Variants in GIMAP1 observed in about 807,000 individuals in gnomAD.
The protein encoded by GIMAP1 is GTPase, IMAP family member 1.
For missense variants in GIMAP1, 423 were observed against 411.9 expected (o/e 1.03, Z -0.23); for synonymous variants, 230 against 187.7 (o/e 1.23, Z -1.84).
Position 150,724,127 on chromosome 7 carries a change from G to A in GIMAP1, c.*3202G>A, listed in dbSNP as rs1315631245. On this transcript the variant is annotated 3_prime_UTR_variant, in exon 3 of 3. Transcript: ENST00000307194. ...TTCAGTACCCCAGAAGAGAATTTCT[G>A]TAAATTCTTGGGGAAGCTATAGCTA... The A allele has an allele frequency of 6.6e-6, 1 of 152,058 alleles. No homozygotes were observed. The highest frequency in any genetic ancestry group is 2.4e-5 in the African/African-American group (1 of 41,380). 9.4% of individuals were successfully genotyped at this position (152,058 alleles called of 1,614,324 possible).
chr7:150,717,631 C>A (rs1465338004), intron 1 of GIMAP1, among the ~76,000 whole-genome samples: 2 of 152,084 alleles, frequency 1.3e-5, no homozygotes, highest in Non-Finnish European at 2.9e-5. Flanking sequence ...AAAGGCCTAT[C>A]CAGAATTCTG....
Position 150,720,880 on chromosome 7 carries a change from C to CT in GIMAP1, c.876_877insT (p.His293SerfsTer14). On this transcript the variant is annotated frameshift_variant, in exon 3 of 3. Coordinates refer to ENST00000307194, the MANE Select transcript of GIMAP1 (RefSeq NM_130759.4). LOFTEE classifies it low-confidence loss of function (END_TRUNC). The surrounding 1 kb of genome is among the most constrained non-coding windows in gnomAD (Gnocchi z 4.5). ...GCGCGCTCCTGTTCTGGGTGCTGCTCCACAGGCGGTGGTCGGAGGCCGTTG... is the reference window on the plus strand; with the variant it reads ...GCGCGCTCCTGTTCTGGGTGCTGCTCTCACAGGCGGTGGTCGGAGGCCGTTG... 1 of 1,599,180 alleles carries CT rather than the reference C, an allele frequency of 6.3e-7. No individual in the cohort carries two copies. Among genetic ancestry groups the CT allele is most frequent in the Non-Finnish European group, 8.5e-7 (1 of 1,176,684 alleles).
rs1797335338 is a variant in GIMAP1, at chr7:150,723,388, A to G, written c.*2463A>G. 1 of 152,320 alleles carries G rather than the reference A, an allele frequency of 6.6e-6. No homozygotes were observed. The highest frequency in any genetic ancestry group is 2.1e-4 in the South Asian group (1 of 4,828). The allele number at this position is 152,320 out of a possible 1,614,324, so 9.4% of individuals were successfully genotyped here. A position where few individuals can be genotyped will look rare whatever the true frequency, so the allele number is the denominator to read the frequency against. The stretch of plus-strand genomic sequence containing the variant: ...ATTTTCTAAATTTTCTACCATAGAT[A>G]ACAGAAAATTCTTTCGCGCAAGCAT... On this transcript the variant is annotated 3_prime_UTR_variant, in exon 3 of 3. Transcript: ENST00000307194.
intron 2 of GIMAP1, chr7:150,719,420 A>G (rs1323049023): frequency 3.5e-6 from 1 of 285,882 alleles, no homozygotes; most frequent in Non-Finnish European, 6.5e-6. Flanking sequence ...GAACAAGGAT[A>G]GAGGGTTAAA....
rs58278300 is a variant in GIMAP1, at chr7:150,721,887, T to TCACACACACACACACACA, written c.*977_*994dup. On this transcript the variant is annotated 3_prime_UTR_variant, in exon 3 of 3. Transcript: ENST00000307194. ...TTCTATATGGTTATTCATATTTTTATCACACACACACACACACACACACAC... is the reference window on the plus strand; with the variant it reads ...TTCTATATGGTTATTCATATTTTTATCACACACACACACACACACACACACACACACACACACACACAC... 2.8e-4 allele frequency: 41 copies of TCACACACACACACACACA among 147,202 alleles called. No homozygotes were observed. Among genetic ancestry groups the TCACACACACACACACACA allele is most frequent in the African/African-American group, 9.2e-4 (37 of 40,224 alleles). 9.1% of individuals were successfully genotyped at this position (147,202 alleles called of 1,614,324 possible). A position where few individuals can be genotyped will look rare whatever the true frequency, so the allele number is the denominator to read the frequency against.
At position 150,717,440 on chromosome 7, in the gene GIMAP1, G is replaced by A. The variant is rs549417581; in HGVS notation, c.-7+750G>A. 9.2e-5 allele frequency among the ~76,000 whole-genome samples: 14 copies of A among 152,294 alleles called. No homozygotes were observed. The South Asian group carries it at 2.9e-3, about 32-fold the overall frequency. ...CTGAGAAGCAGCACATTTGAGCGGT[G>A]AAGAACTCAATAAACTTTGCGGTCT... On this transcript the variant is annotated intron_variant, in intron 1 of 2. Transcript: ENST00000307194.
Position 150,720,184 on chromosome 7 carries a change from G to A in GIMAP1, c.180G>A (p.Thr60=), listed in dbSNP as rs1797275740. ...GGTTCTTCTCCAGGCTGGGGGCCAC[G>A]TCTGTGACCAGGGCCTGCACCACGG... The part of the protein sequence containing the change: ...QRRFFSRLGA[T]SVTRACTTGS... Residue 60 remains threonine (T), a synonymous_variant, in exon 3 of 3, where the codon ACG becomes ACA. Coordinates refer to ENST00000307194, the MANE Select transcript of GIMAP1 (RefSeq NM_130759.4). The surrounding 1 kb of genome is among the most constrained non-coding windows in gnomAD (Gnocchi z 4.5). The A allele has an allele frequency of 1.2e-6, 2 of 1,614,152 alleles. No individual in the cohort carries two copies. The highest frequency in any genetic ancestry group is 1.7e-6 in the Non-Finnish European group (2 of 1,180,038).
In GIMAP1 at chr7:150,720,277, G is replaced by A. The variant is rs757538972; in HGVS notation, c.273G>A (p.Val91=). The change falls in exon 3 of 3, where the codon GTG becomes GTA. Residue 91 remains valine (V), a synonymous_variant. Coordinates refer to ENST00000307194, the MANE Select transcript of GIMAP1 (RefSeq NM_130759.4). The surrounding 1 kb of genome is among the most constrained non-coding windows in gnomAD (Gnocchi z 4.5). The stretch of plus-strand genomic sequence containing the variant: ...CTCCGGACATTTTCAGCTCCCAAGT[G>A]TCCAAGACAGATCCTGGCTGTGAGG... The part of the protein sequence containing the change: ...VDTPDIFSSQ[V]SKTDPGCEER... 1 of 1,614,214 alleles carries A rather than the reference G, an allele frequency of 6.2e-7. No homozygotes were observed. Among genetic ancestry groups the A allele is most frequent in the Admixed American group, 1.7e-5 (1 of 60,038 alleles).
rs774558095 is a variant in GIMAP1, at chr7:150,720,858, C to T, written c.854C>T (p.Ala285Val). Residue 285 changes from alanine to valine, a missense_variant, in exon 3 of 3, where the codon GCG becomes GTG. Transcript: ENST00000307194. This position sits in a 1 kb window ranked among gnomAD's most constrained non-coding sequence, Gnocchi z 4.5. ...GGCCTGGCCCTGCTGCTGGGGGGCG[C>T]GCTCCTGTTCTGGGTGCTGCTCCAC... ...RLGLALLLGG[A>V]LLFWVLLHRR... 17 of 1,605,138 alleles carry T rather than the reference C, an allele frequency of 1.1e-5. No individual in the cohort carries two copies. Among genetic ancestry groups the T allele is most frequent in the African/African-American group, 1.3e-5 (1 of 74,964 alleles).
chr7:150,721,667 C>T lies in GIMAP1; in HGVS notation c.*742C>T, dbSNP rs1797305216. On this transcript the variant is annotated 3_prime_UTR_variant, in exon 3 of 3. Transcript: ENST00000307194. ...CTCTACTAAAAATACAAAAATTAGC[C>T]AGGCGTGATAGCACTCGCCTGTAAT... 1 of 151,874 alleles carries T rather than the reference C, an allele frequency of 6.6e-6. No homozygotes were observed. The highest frequency in any genetic ancestry group is 2.4e-5 in the African/African-American group (1 of 41,348). The allele number at this position is 151,874 out of a possible 1,614,324, so 9.4% of individuals were successfully genotyped here. A position where few individuals can be genotyped will look rare whatever the true frequency, so the allele number is the denominator to read the frequency against.
At chr7:150,719,695 C>T in intron 2 of GIMAP1, among the ~76,000 whole-genome samples, 1 of 152,160 alleles carries the variant, frequency 6.6e-6, no homozygotes, top group East Asian at 1.9e-4. Flanking sequence ...TCTTCACTAC[C>T]AGGCAGTATT....
At position 150,720,520 on chromosome 7, in the gene GIMAP1, G is replaced by A. The variant is rs900568967; in HGVS notation, c.516G>A (p.Arg172=). Residue 172 remains arginine (R), a synonymous_variant, in exon 3 of 3, where the codon CGG becomes CGA. Coordinates refer to ENST00000307194, the MANE Select transcript of GIMAP1 (RefSeq NM_130759.4). The surrounding 1 kb of genome is among the most constrained non-coding windows in gnomAD (Gnocchi z 4.5). ...LHDYVSNTEN[R]ALRELVAECG... is the part of the protein sequence containing the mutation. ...ATTACGTGAGCAACACAGAGAACCG[G>A]GCCTTGCGCGAGCTGGTGGCCGAGT... The A allele has an allele frequency of 3.7e-6, 6 of 1,603,490 alleles. No individual in the cohort carries two copies. Among genetic ancestry groups the A allele is most frequent in the Non-Finnish European group, 5.1e-6 (6 of 1,174,956 alleles).
chr7:150,719,218 A>G, intron 2 of GIMAP1, 128 bp downstream of exon 2: 1 of 1,192,594 alleles, frequency 8.4e-7, no homozygotes, highest in Non-Finnish European at 1.2e-6. Flanking sequence ...GGGATGAAAC[A>G]GCACCAGCCC....
In GIMAP1 at chr7:150,723,322, AC is replaced by A. The variant is rs1797334471; in HGVS notation, c.*2399del. On this transcript the variant is annotated 3_prime_UTR_variant, in exon 3 of 3. Transcript: ENST00000307194. The stretch of plus-strand genomic sequence containing the variant: ...TGAATTGTAAAGTTGACTTTCCTGT[AC>A]CTTTTTAATATTAGATTTCTAGCTA... 2.6e-5 allele frequency: 4 copies of A among 152,116 alleles called. No individual in the cohort carries two copies. The South Asian group carries it at 8.3e-4, about 32-fold the overall frequency. The allele number at this position is 152,116 out of a possible 1,614,324, so 9.4% of individuals were successfully genotyped here.
At chr7:150,717,135 A>G (rs1797228582) in intron 1 of GIMAP1, among the ~76,000 whole-genome samples, 2 of 152,098 alleles carry the variant, frequency 1.3e-5, no homozygotes, top group African/African-American at 4.8e-5. Flanking sequence ...TCTCCTCCTC[A>G]CTGTCCACAG....
At chr7:150,718,926 G>C (rs1211268139) in intron 1 of GIMAP1, 116 bp from the exon 2 acceptor site, 1 of 1,385,088 alleles carries the variant, frequency 7.2e-7, no homozygotes, top group Non-Finnish European at 1.0e-6. Context: ...TCACTGTGCT[G>C]TCACCAGCTC....
rs1282070761 is a variant in GIMAP1, at chr7:150,723,808, C to T, written c.*2883C>T. The T allele has an allele frequency of 2.0e-5, 3 of 152,000 alleles. No homozygotes were observed. The highest frequency in any genetic ancestry group is 2.9e-5 in the Non-Finnish European group (2 of 68,000). The allele number at this position is 152,000 out of a possible 1,614,324, so 9.4% of individuals were successfully genotyped here. A position where few individuals can be genotyped will look rare whatever the true frequency, so the allele number is the denominator to read the frequency against. On this transcript the variant is annotated 3_prime_UTR_variant, in exon 3 of 3. Transcript: ENST00000307194. The stretch of plus-strand genomic sequence containing the variant: ...TAAATATATATCCATTTCAATTGTC[C>T]CCCTTCCTCTCCTCTCCTTTTATCT...
Position 150,722,433 on chromosome 7 carries a change from G to A in GIMAP1, c.*1508G>A, listed in dbSNP as rs1341203417. 3 of 152,478 alleles carry A rather than the reference G, an allele frequency of 2.0e-5. No homozygotes were observed. The highest frequency in any genetic ancestry group is 4.8e-5 in the African/African-American group (2 of 41,458). 9.4% of individuals were successfully genotyped at this position (152,478 alleles called of 1,614,324 possible). ...CCTGAGGGCCTTGGTGACCGCTGCA[G>A]GGAGTTGGACTTTTTGAAGCGTGGC... On this transcript the variant is annotated 3_prime_UTR_variant, in exon 3 of 3. Coordinates refer to ENST00000307194, the MANE Select transcript of GIMAP1 (RefSeq NM_130759.4).
chr7:150,719,234 T>A, intron 2 of GIMAP1, 144 bp downstream of exon 2: 5 of 994,378 alleles, frequency 5.0e-6, no homozygotes, highest in Non-Finnish European at 7.4e-6. Context: ...AGCCCTGAGA[T>A]CTGCATTTTA....
Sources: gnomAD v4.1 joint callset for allele counts (sites outside exome capture counted in the v4.1 genomes callset) on GRCh38, gnomAD v4.1.1 for gene constraint, Gnocchi (gnomAD v3.1) non-coding constraint, MANE v1.5 for transcripts, NCBI Gene and HGNC (gene_info 2026-07-23, HGNC 2026-07-21) for gene names.